TBC1D22A: variants seen among roughly 807,000 people sequenced by gnomAD.
TBC1D22A encodes the protein TBC1 domain family member 22A.
Under a neutral mutation model 60.2 loss-of-function variants are expected in TBC1D22A, and 38 were observed. That is an observed-to-expected ratio of 0.63 (90% CI 0.49 to 0.83). The LOEUF (loss-of-function observed/expected upper bound fraction) is 0.83, where lower values mean the gene tolerates loss of function less well. Among genes scored for constraint, TBC1D22A ranks in the 40% least tolerant of loss-of-function variants. TBC1D22A has a pLI of 0.00. For missense variants in TBC1D22A, 628 were observed against 701.0 expected (o/e 0.90, Z 1.18); for synonymous variants, 302 against 281.7 (o/e 1.07, Z -0.72).
At chr22:47,159,831 C>T (rs760871270) in intron 12 of TBC1D22A, among the ~76,000 whole-genome samples, 42 of 151,844 alleles carry the variant, frequency 2.8e-4, no homozygotes, top group Non-Finnish European at 5.6e-4. Context: ...CCCCCACACA[C>T]GCACCACACT....
intron 4 of TBC1D22A, among the ~76,000 whole-genome samples, chr22:46,813,362 G>A (rs1336053083): frequency 3.9e-5 from 6 of 152,098 alleles, no homozygotes; most frequent in African/African-American, 1.4e-4. Context: ...CTTAGTATGC[G>A]GCATTTAATT....
chr22:47,043,671 C>A (rs1273696378), intron 11 of TBC1D22A, among the ~76,000 whole-genome samples: 1 of 152,018 alleles, frequency 6.6e-6, no homozygotes, highest in Non-Finnish European at 1.5e-5. Flanking sequence ...TGAGTTGCAG[C>A]TGAACAGGAG....
intron 11 of TBC1D22A, among the ~76,000 whole-genome samples, chr22:47,082,817 C>T (rs1334848151): frequency 6.6e-6 from 1 of 152,192 alleles, no homozygotes; most frequent in African/African-American, 2.4e-5. Context: ...GGAAAACTGG[C>T]ACTTTCTTAT....
chr22:46,969,695 C>T (rs948583541), intron 8 of TBC1D22A, among the ~76,000 whole-genome samples: 14 of 152,250 alleles, frequency 9.2e-5, no homozygotes, highest in African/African-American at 2.4e-4. Context: ...CCTGTGCACT[C>T]GCCATCCCAC....
chr22:46,845,678 T>A (rs2086958627), intron 4 of TBC1D22A, among the ~76,000 whole-genome samples: 1 of 152,252 alleles, frequency 6.6e-6, no homozygotes, highest in South Asian at 2.1e-4. Flanking sequence ...CATGTAGCGA[T>A]TTACAGTAAT....
At chr22:46,968,691 C>T (rs1018934581) in intron 8 of TBC1D22A, among the ~76,000 whole-genome samples, 36 of 152,322 alleles carry the variant, frequency 2.4e-4, no homozygotes, top group African/African-American at 8.7e-4. Context: ...TCACCAGGAC[C>T]ATCTGGATTT....
At chr22:46,922,239 T>G (rs2070799694) in intron 8 of TBC1D22A, among the ~76,000 whole-genome samples, 1 of 152,204 alleles carries the variant, frequency 6.6e-6, no homozygotes, top group Non-Finnish European at 1.5e-5. Context: ...GTTCCATTGG[T>G]CTGTGTGTCT....
intron 12 of TBC1D22A, among the ~76,000 whole-genome samples, chr22:47,127,394 A>ATTTT (rs11387235): frequency 8.2e-6 from 1 of 122,488 alleles, no homozygotes; most frequent in African/African-American, 3.1e-5. Context: ...CGCCCAGCTG[A>ATTTT]TTTTTTTTTT....
chr22:46,817,421 A>T (rs139585), intron 4 of TBC1D22A, among the ~76,000 whole-genome samples: 1 of 151,612 alleles, frequency 6.6e-6, no homozygotes, highest in East Asian at 1.9e-4. Flanking sequence ...CCGCCCACCA[A>T]CGGGTGCTGG....
chr22:46,793,967 G>A (rs879647427), intron 3 of TBC1D22A, 126 bp downstream of exon 3: 12 of 920,404 alleles, frequency 1.3e-5, no homozygotes, highest in Non-Finnish European at 1.9e-5. Context: ...CCTGGCCCAC[G>A]AGAGCCCTTA....
chr22:46,781,443 T>G (rs1014157382), intron 1 of TBC1D22A, among the ~76,000 whole-genome samples: 13 of 152,338 alleles, frequency 8.5e-5, no homozygotes, highest in African/African-American at 3.1e-4. Context: ...CCCGAAGTGC[T>G]GGGATTATAG....
At chr22:47,167,635 C>G (rs890606904) in intron 12 of TBC1D22A, among the ~76,000 whole-genome samples, 2 of 152,164 alleles carry the variant, frequency 1.3e-5, no homozygotes, top group African/African-American at 4.8e-5. Flanking sequence ...AAAGAAAGCT[C>G]TCAGCTGCAA....
intron 11 of TBC1D22A, among the ~76,000 whole-genome samples, chr22:47,092,591 G>C (rs1190095327): frequency 6.6e-6 from 1 of 152,204 alleles, no homozygotes; most frequent in African/African-American, 2.4e-5. Context: ...GGCTGATGCA[G>C]ACCTGTGAGC....
At chr22:47,075,222 C>A (rs74892258) in intron 11 of TBC1D22A, among the ~76,000 whole-genome samples, 74 of 114,066 alleles carry the variant, frequency 6.5e-4, no homozygotes, top group Admixed American at 1.2e-3. Context: ...GATTCCGTCT[C>A]AAAAAAAAAA....
At chr22:47,163,229 C>T (rs1223242577) in intron 12 of TBC1D22A, among the ~76,000 whole-genome samples, 2 of 152,240 alleles carry the variant, frequency 1.3e-5, no homozygotes, top group Non-Finnish European at 2.9e-5. Flanking sequence ...TTGGGAGGCC[C>T]ACCCTGAGCA....
At chr22:46,916,884 G>A (rs1261877281) in intron 8 of TBC1D22A, among the ~76,000 whole-genome samples, 1 of 152,226 alleles carries the variant, frequency 6.6e-6, no homozygotes, top group Non-Finnish European at 1.5e-5. Flanking sequence ...GGGAGAGATC[G>A]ATCATGGAGA....
intron 12 of TBC1D22A, among the ~76,000 whole-genome samples, chr22:47,154,793 G>A (rs139359521): frequency 1.2e-3 from 183 of 152,296 alleles, no homozygotes; most frequent in African/African-American, 4.1e-3. Context: ...CACTCTCAGC[G>A]GCCCCCTCCT....
chr22:47,173,405 C>G (rs1744565986), intron 12 of TBC1D22A, 93 bp from the exon 13 acceptor site: 9 of 1,542,648 alleles, frequency 5.8e-6, no homozygotes, highest in South Asian at 1.2e-5. Flanking sequence ...CTCCTCTGAC[C>G]TGGGCTTGTA....
intron 1 of TBC1D22A, among the ~76,000 whole-genome samples, chr22:46,780,741 C>G (rs547015604): frequency 1.3e-5 from 2 of 152,114 alleles, no homozygotes; most frequent in Non-Finnish European, 2.9e-5. Flanking sequence ...AGGACCAGCC[C>G]GGGCCTGGTG....
Sources: gnomAD v4.1 joint callset for allele counts (sites outside exome capture counted in the v4.1 genomes callset) on GRCh38, gnomAD v4.1.1 for gene constraint, MANE v1.5 for transcripts, NCBI Gene and HGNC (gene_info 2026-07-23, HGNC 2026-07-21) for gene names.